Variants in ZNF385B observed in about 807,000 individuals in gnomAD.
The protein encoded by ZNF385B is zinc finger protein 385B.
ZNF385B carries 23 observed loss-of-function variants against 39.2 expected under a neutral mutation model. The observed-to-expected ratio is 0.59, with a 90% confidence interval of 0.42 to 0.83. The LOEUF (loss-of-function observed/expected upper bound fraction) is 0.83. Among genes scored for constraint, ZNF385B ranks in the 40% least tolerant of loss-of-function variants. The pLI is 0.00. For synonymous variants in ZNF385B, 205 were observed against 222.6 expected (o/e 0.92, Z 0.70); for missense variants, 552 against 598.9 (o/e 0.92, Z 0.82).
intron 3 of ZNF385B, among the ~76,000 whole-genome samples, chr2:179,633,692 G>A (rs916478815): frequency 2.6e-5 from 4 of 152,210 alleles, no homozygotes; most frequent in Non-Finnish European, 5.9e-5. Context: ...AGTGTTAGAA[G>A]TTCTGGCCAG....
intron 3 of ZNF385B, among the ~76,000 whole-genome samples, chr2:179,569,533 T>C (rs1355895085): frequency 1.3e-5 from 2 of 152,192 alleles, no homozygotes; most frequent in Non-Finnish European, 2.9e-5. Context: ...TTCTAGGACA[T>C]GTTGTGAAGG....
intron 1 of ZNF385B, among the ~76,000 whole-genome samples, chr2:179,824,667 GT>G (rs1301520229): frequency 6.6e-6 from 1 of 151,894 alleles, no homozygotes; most frequent in African/African-American, 2.4e-5. Flanking sequence ...GTTTAATTTT[GT>G]TTTTGTTTTT....
chr2:179,546,652 C>A (rs1325320695), intron 3 of ZNF385B, among the ~76,000 whole-genome samples: 1 of 152,100 alleles, frequency 6.6e-6, no homozygotes, highest in Non-Finnish European at 1.5e-5. Context: ...GCTTCCAAAT[C>A]TTGGCTATTG....
At chr2:179,610,026 T>C (rs1452504090) in intron 3 of ZNF385B, among the ~76,000 whole-genome samples, 1 of 152,210 alleles carries the variant, frequency 6.6e-6, no homozygotes, top group African/African-American at 2.4e-5. Flanking sequence ...CCTCACCTTG[T>C]TGATTGTTTG....
intron 6 of ZNF385B, among the ~76,000 whole-genome samples, chr2:179,478,867 T>A (rs1340255051): frequency 6.6e-6 from 1 of 152,180 alleles, no homozygotes; most frequent in Non-Finnish European, 1.5e-5. Flanking sequence ...AGCCTTCAAT[T>A]TGATGTATTG....
intron 6 of ZNF385B, among the ~76,000 whole-genome samples, chr2:179,482,984 T>C (rs781019738): frequency 6.6e-6 from 1 of 151,624 alleles, no homozygotes; most frequent in Non-Finnish European, 1.5e-5. Flanking sequence ...TCTGAACACA[T>C]TGTGATCAAG....
chr2:179,615,822 A>C (rs1689682409), intron 3 of ZNF385B, among the ~76,000 whole-genome samples: 1 of 152,214 alleles, frequency 6.6e-6, no homozygotes, highest in Admixed American at 6.5e-5. Context: ...GTTCTGAGGC[A>C]CCAAGTATAA....
chr2:179,791,002 G>T (rs980352685), intron 1 of ZNF385B, among the ~76,000 whole-genome samples: 4 of 152,116 alleles, frequency 2.6e-5, no homozygotes, highest in African/African-American at 9.7e-5. Flanking sequence ...TCCTTCACGG[G>T]GAACCCAACA....
At chr2:179,561,812 CA>C (rs998757463) in intron 3 of ZNF385B, among the ~76,000 whole-genome samples, 2 of 152,048 alleles carry the variant, frequency 1.3e-5, no homozygotes, top group Non-Finnish European at 2.9e-5. Context: ...TTTCTATGCC[CA>C]AGGGTCTAAA....
intron 6 of ZNF385B, among the ~76,000 whole-genome samples, chr2:179,473,607 G>A (rs2105534694): frequency 6.6e-6 from 1 of 152,240 alleles, no homozygotes; most frequent in South Asian, 2.1e-4. Context: ...CTGTGCCATG[G>A]TGGTTTGCTG....
intron 4 of ZNF385B, among the ~76,000 whole-genome samples, chr2:179,540,176 T>C (rs984892454): frequency 2.0e-5 from 3 of 152,140 alleles, no homozygotes; most frequent in African/African-American, 7.2e-5. Flanking sequence ...CCAGGCGCAG[T>C]GGCTCACTCT....
chr2:179,830,911 C>T (rs1707947628), intron 1 of ZNF385B, among the ~76,000 whole-genome samples: 1 of 152,122 alleles, frequency 6.6e-6, no homozygotes, highest in Non-Finnish European at 1.5e-5. Context: ...ACAAATGGAT[C>T]ATACCAATGC....
intron 3 of ZNF385B, among the ~76,000 whole-genome samples, chr2:179,627,497 C>T (rs1690767627): frequency 6.6e-6 from 1 of 152,162 alleles, no homozygotes; most frequent in South Asian, 2.1e-4. Flanking sequence ...ACAGAGGGTT[C>T]ACTTTAGAGC....
intron 3 of ZNF385B, among the ~76,000 whole-genome samples, chr2:179,683,457 T>C (rs1391877050): frequency 6.6e-6 from 1 of 151,810 alleles, no homozygotes; most frequent in Non-Finnish European, 1.5e-5. Flanking sequence ...GTTGTTGTGG[T>C]TTCATGTTTA....
intron 8 of ZNF385B, 111 bp downstream of exon 8, chr2:179,445,439 A>G (rs1177134117): frequency 9.7e-7 from 1 of 1,033,382 alleles, no homozygotes; most frequent in Admixed American, 2.7e-5. Flanking sequence ...GCATCCTACA[A>G]AAGTTAGTCA....
chr2:179,639,529 A>G (rs1265617363), intron 3 of ZNF385B, among the ~76,000 whole-genome samples: 1 of 152,168 alleles, frequency 6.6e-6, no homozygotes, highest in Non-Finnish European at 1.5e-5. Flanking sequence ...CTTGCCAATT[A>G]TACCTTAATA....
intron 3 of ZNF385B, among the ~76,000 whole-genome samples, chr2:179,650,801 C>A (rs1693128801): frequency 2.0e-5 from 3 of 152,140 alleles, no homozygotes; most frequent in Non-Finnish European, 4.4e-5. Flanking sequence ...TATGAATTTT[C>A]TTTGATTCAA....
intron 5 of ZNF385B, among the ~76,000 whole-genome samples, chr2:179,493,573 A>C (rs2055559675): frequency 6.7e-6 from 1 of 149,356 alleles, no homozygotes; most frequent in African/African-American, 2.4e-5. Context: ...ATGCGTATAC[A>C]TATGTGTATG....
At chr2:179,542,776 G>A (rs922962710) in intron 4 of ZNF385B, among the ~76,000 whole-genome samples, 4 of 152,002 alleles carry the variant, frequency 2.6e-5, no homozygotes, top group Non-Finnish European at 4.4e-5. Flanking sequence ...ACTGTGACTG[G>A]GTACCTTTTA....
Sources: allele counts gnomAD v4.1 joint callset (sites outside exome capture counted in the v4.1 genomes callset), GRCh38; gene constraint gnomAD v4.1.1; transcripts MANE v1.5; gene names NCBI Gene and HGNC (gene_info 2026-07-23, HGNC 2026-07-21).